The following TAPT1 variants were observed in gnomAD, a reference collection of about 807,000 sequenced individuals.
TAPT1 encodes transmembrane anterior posterior transformation 1.
TAPT1 carries 28 observed loss-of-function variants against 65.6 expected under a neutral mutation model. The ratio of observed to expected loss-of-function variants is 0.43; its 90% confidence interval spans 0.32 to 0.59. The LOEUF is 0.59. TAPT1 is among the 20% of genes least tolerant of loss of function. TAPT1 has a pLI of 0.09. For synonymous variants in TAPT1, 278 were observed against 245.2 expected, an observed-to-expected ratio of 1.13 and a Z score of -1.25; for missense variants, 563 against 679.9, an observed-to-expected ratio of 0.83 and a Z score of 1.91.
At chr4:16,176,382 C>A in intron 8 of TAPT1, 154 bp from the exon 9 acceptor site, 1 of 509,374 alleles carries the variant, frequency 2.0e-6, no homozygotes, top group Non-Finnish European at 3.4e-6. Flanking sequence ...ATCAAAAGAG[C>A]TATACTGTAT....
At chr4:16,226,516 C>CTCT, upstream of TAPT1, 1 of 982,570 alleles carries the variant, frequency 1.0e-6, no homozygotes, top group Non-Finnish European at 1.2e-6. Context: ...TCCGGCCGGC[C>CTCT]CCCTCCCCGC....
In TAPT1 at chr4:16,163,241, AT is replaced by A; in HGVS notation, c.*66del. 9.0e-7 allele frequency: 1 copy of A among 1,110,852 alleles called. No homozygotes were observed. 68.8% of individuals were successfully genotyped at this position (1,110,852 alleles called of 1,614,324 possible). ...TATTTAAGTGCCATGTTTAGCATCT[AT>A]TTGTCCTGGCAACACAGCACTTGTT... On this transcript the variant is annotated 3_prime_UTR_variant, in exon 14 of 14. Transcript: ENST00000405303.
chr4:16,193,491 T>G, intron 3 of TAPT1, among the ~76,000 whole-genome samples: 1 of 152,144 alleles, frequency 6.6e-6, no homozygotes, highest in East Asian at 1.9e-4. Flanking sequence ...AGAATGTCCT[T>G]CATCTCCTGA....
intron 2 of TAPT1, among the ~76,000 whole-genome samples, chr4:16,202,806 C>T (rs1207783240): frequency 1.3e-5 from 2 of 152,158 alleles, no homozygotes; most frequent in Non-Finnish European, 2.9e-5. Flanking sequence ...ACAAGTTGCC[C>T]TTGACCATAG....
At chr4:16,216,256 T>A (rs1750937607) in intron 1 of TAPT1, 1 of 152,280 alleles carries the variant, frequency 6.6e-6, no homozygotes, top group South Asian at 2.1e-4. Context: ...CTTAAGTGTT[T>A]GCTGGTTCAG....
At chr4:16,219,765 A>T (rs1284448831) in intron 1 of TAPT1, among the ~76,000 whole-genome samples, 1 of 152,208 alleles carries the variant, frequency 6.6e-6, no homozygotes, top group Non-Finnish European at 1.5e-5. Context: ...AATGGTGTCC[A>T]TATTTTGTCC....
intron 3 of TAPT1, 38 bp from the exon 4 acceptor site, chr4:16,191,561 C>T: frequency 1.3e-6 from 2 of 1,528,724 alleles, no homozygotes; most frequent in Non-Finnish European, 1.8e-6. Context: ...ATAATTTTTA[C>T]TCTGTATGTT....
rs75761088 is a variant in TAPT1, at chr4:16,176,253, A to C, written c.998-25T>G. ...TCTGTAAATAGAAAAAAGAAAAACA[A>C]CGAAATATCTTAATATGAACAGAAT... is the stretch of plus-strand genomic sequence containing the variant. On this transcript the variant is annotated intron_variant, in intron 8 of 13. Coordinates refer to ENST00000405303, the MANE Select transcript of TAPT1 (RefSeq NM_153365.3). 2.4e-6 allele frequency: 3 copies of C among 1,230,778 alleles called. No homozygotes were observed. In the African/African-American group the frequency reaches 4.6e-5, roughly 19 times the overall value. 76.2% of individuals were successfully genotyped at this position (1,230,778 alleles called of 1,614,324 possible). A position where few individuals can be genotyped will look rare whatever the true frequency, so the allele number is the denominator to read the frequency against.
At chr4:16,170,802 T>G in intron 11 of TAPT1, 73 bp from the exon 12 acceptor site, 1 of 1,143,508 alleles carries the variant, frequency 8.7e-7, no homozygotes, top group South Asian at 1.3e-5. Context: ...TAGTTAATAC[T>G]TAAAAAGATT....
At chr4:16,214,328 C>T (rs1750810431) in intron 1 of TAPT1, 1 of 152,658 alleles carries the variant, frequency 6.6e-6, no homozygotes, top group African/African-American at 2.4e-5. Context: ...CCTGGATGAA[C>T]TACATGGATA....
At chr4:16,209,722 G>A (rs190313943) in intron 2 of TAPT1, among the ~76,000 whole-genome samples, 3 of 152,336 alleles carry the variant, frequency 2.0e-5, no homozygotes, top group East Asian at 1.9e-4. Context: ...AACTGCCACC[G>A]TGGGGTGGAC....
Position 16,161,851 on chromosome 4 carries a change from C to T in TAPT1, c.*1457G>A, listed in dbSNP as rs1445693780. ...CAAATCACCTAAAAATTGCTTTCTG[C>T]CTATGTATGTACGCCTGAAACATTT... On this transcript the variant is annotated 3_prime_UTR_variant, in exon 14 of 14. Transcript: ENST00000405303. The T allele has an allele frequency of 6.6e-6, 1 of 152,114 alleles. No individual in the cohort carries two copies. The highest frequency in any genetic ancestry group is 1.9e-4 in the East Asian group (1 of 5,188). 9.4% of individuals were successfully genotyped at this position (152,114 alleles called of 1,614,324 possible).
At chr4:16,188,454 A>G in intron 4 of TAPT1, 99 bp from the exon 5 acceptor site, 1 of 962,764 alleles carries the variant, frequency 1.0e-6, no homozygotes, top group Non-Finnish European at 1.5e-6. Flanking sequence ...CTGTGTTTTA[A>G]ATCCTAGTAG....
chr4:16,218,984 T>C (rs1278896570), intron 1 of TAPT1, among the ~76,000 whole-genome samples: 2 of 152,164 alleles, frequency 1.3e-5, no homozygotes, highest in Non-Finnish European at 2.9e-5. Context: ...CCTCTAGATA[T>C]CCAAGAATTT....
chr4:16,182,423 A>T (rs758633009), intron 7 of TAPT1, among the ~76,000 whole-genome samples: 14 of 152,226 alleles, frequency 9.2e-5, no homozygotes, highest in Non-Finnish European at 1.8e-4. Flanking sequence ...TTTATTAAGA[A>T]GCTTAAAAAC....
chr4:16,178,627 C>T lies in TAPT1; in HGVS notation c.997+950G>A, dbSNP rs939854055. On this transcript the variant is annotated intron_variant, in intron 8 of 13. Transcript: ENST00000405303. ...TTAGCCTGTTAAGTCCTACAAATGT[C>T]GTAGTATTTTTTACATTGCCACAGT... 1.6e-4 allele frequency among the ~76,000 whole-genome samples: 25 copies of T among 152,232 alleles called. No individual in the cohort carries two copies. The South Asian group carries it at 5.0e-3, about 30-fold the overall frequency.
intron 7 of TAPT1, chr4:16,182,949 A>G (rs2149683971): frequency 6.6e-6 from 1 of 152,332 alleles, no homozygotes; most frequent in East Asian, 1.9e-4. Flanking sequence ...AGCATGAAGG[A>G]CTGAACCTTA....
chr4:16,217,187 C>G (rs1213964525), intron 1 of TAPT1, among the ~76,000 whole-genome samples: 1 of 152,152 alleles, frequency 6.6e-6, no homozygotes, highest in East Asian at 1.9e-4. Context: ...TCCACAGTAC[C>G]TGCACCTGCC....
rs1347644790 is a variant in TAPT1 at position 16,176,223 on chromosome 4, G to GA, written c.1002dup (p.Leu335SerfsTer28). The GA allele has an allele frequency of 6.5e-7, 1 of 1,528,790 alleles. No homozygotes were observed. The highest frequency in any genetic ancestry group is 2.3e-5 in the East Asian group (1 of 42,954). The allele number at this position is 1,528,790 out of a possible 1,614,324, so 94.7% of individuals were successfully genotyped here. ...CAGACATCTGGAAACAACACCCAGA[G>GA]ATGATCTGTAAATAGAAAAAAGAAA... On this transcript the variant is annotated frameshift_variant, in exon 9 of 14. Transcript: ENST00000405303. LOFTEE classifies it high-confidence loss of function.
Sources: gnomAD v4.1 joint callset for allele counts (sites outside exome capture counted in the v4.1 genomes callset) on GRCh38, gnomAD v4.1.1 for gene constraint, MANE v1.5 for transcripts, NCBI Gene and HGNC (gene_info 2026-07-23, HGNC 2026-07-21) for gene names.